The following DPYSL2 variants were observed in gnomAD, a reference collection of about 807,000 sequenced individuals.
DPYSL2 encodes dihydropyrimidinase-related protein 2.
DPYSL2 carries 13 observed loss-of-function variants against 69.9 expected under a neutral mutation model. The ratio of observed to expected loss-of-function variants is 0.19; its 90% confidence interval spans 0.12 to 0.30. The LOEUF is 0.30. Among genes scored for constraint, DPYSL2 ranks in the 10% least tolerant of loss-of-function variants. DPYSL2 has a pLI of 1.00. For missense variants in DPYSL2, 587 were observed against 918.9 expected, an observed-to-expected ratio of 0.64 and a Z score of 4.67; for synonymous variants, 326 against 359.1, an observed-to-expected ratio of 0.91 and a Z score of 1.04.
chr8:26,578,690 C>T (rs1218038519), intron 1 of DPYSL2, among the ~76,000 whole-genome samples: 1 of 152,224 alleles, frequency 6.6e-6, no homozygotes, highest in Admixed American at 6.5e-5. Flanking sequence ...ACTCCTCCAG[C>T]AGCGATGGGG....
chr8:26,616,024 C>T (rs930096272), intron 3 of DPYSL2, among the ~76,000 whole-genome samples: 2 of 152,154 alleles, frequency 1.3e-5, no homozygotes, highest in African/African-American at 2.4e-5. Flanking sequence ...CAAGCATTTC[C>T]CATATTCCCT....
At chr8:26,570,535 G>A (rs1429618962) in intron 1 of DPYSL2, among the ~76,000 whole-genome samples, 3 of 151,940 alleles carry the variant, frequency 2.0e-5, no homozygotes, top group Non-Finnish European at 4.4e-5. Flanking sequence ...TCAGGAGTTC[G>A]AGACCAGCCT....
At position 26,517,072 on chromosome 8, in the gene DPYSL2, G is replaced by C. The variant is rs986495436; in HGVS notation, c.354+2393G>C. On this transcript the variant is annotated intron_variant, in intron 1 of 13. Coordinates refer to ENST00000521913, the MANE Select transcript of DPYSL2 (RefSeq NM_001197293.3). The surrounding 1 kb of genome is among the most constrained non-coding windows in gnomAD (Gnocchi z 4.2). ...GAAGCCCTGACGCAGAGAAAGGTGG[G>C]GGAGATTGAGAATGGGTGGATCCTG... Among the ~76,000 whole-genome samples the C allele has an allele frequency of 2.0e-4, 31 of 152,122 alleles. No homozygotes were observed. Among genetic ancestry groups the C allele is most frequent in the African/African-American group, 7.5e-4 (31 of 41,412 alleles).
chr8:26,635,090 G>A (rs745893351), intron 8 of DPYSL2, among the ~76,000 whole-genome samples, 190 bp downstream of exon 8: 2 of 152,238 alleles, frequency 1.3e-5, no homozygotes, highest in Non-Finnish European at 2.9e-5. Flanking sequence ...CACTGCTGCG[G>A]CCTTGTTAGT....
intron 3 of DPYSL2, among the ~76,000 whole-genome samples, chr8:26,622,989 C>T (rs769362009): frequency 1.3e-5 from 2 of 152,132 alleles, no homozygotes; most frequent in Non-Finnish European, 2.9e-5. Context: ...TCTATTGTTG[C>T]ACAAGTTTGA....
chr8:26,616,278 C>T (rs971765210), intron 3 of DPYSL2, among the ~76,000 whole-genome samples: 2 of 152,078 alleles, frequency 1.3e-5, no homozygotes, highest in South Asian at 2.1e-4. Context: ...AGCAAAACCA[C>T]GTTATCCTAA....
At chr8:26,523,414 A>G (rs1479900381) in intron 1 of DPYSL2, among the ~76,000 whole-genome samples, 1 of 152,182 alleles carries the variant, frequency 6.6e-6, no homozygotes, top group Non-Finnish European at 1.5e-5. Flanking sequence ...ACCAATCATC[A>G]GAATTATTTT....
chr8:26,563,757 G>A (rs1801108639), intron 1 of DPYSL2, among the ~76,000 whole-genome samples: 1 of 152,180 alleles, frequency 6.6e-6, no homozygotes, highest in Non-Finnish European at 1.5e-5. Flanking sequence ...CCTTGTAGAA[G>A]GTAACTTCCA....
intron 1 of DPYSL2, among the ~76,000 whole-genome samples, chr8:26,530,571 T>C (rs1800490273): frequency 6.6e-6 from 1 of 152,004 alleles, no homozygotes; most frequent in Non-Finnish European, 1.5e-5. Flanking sequence ...TGGACTGTTT[T>C]TAGGACCCTT....
In DPYSL2 at chr8:26,514,620, C is replaced by A; in HGVS notation, c.295C>A (p.Arg99=). 2 of 1,446,816 alleles carry A rather than the reference C, an allele frequency of 1.4e-6. No individual in the cohort carries two copies. Among genetic ancestry groups the A allele is most frequent in the Non-Finnish European group, 1.8e-6 (2 of 1,100,590 alleles). The allele number at this position is 1,446,816 out of a possible 1,614,324, so 89.6% of individuals were successfully genotyped here. The part of the protein sequence containing the change: ...AGGEPSVESG[R]KVEIRRASGK... ...CGGAGAGCCATCTGTTGAATCGGGC[C>A]GGAAGGTGGAGATCCGGAGGGCCTC... Residue 99 remains arginine (R), a synonymous_variant, in exon 1 of 14, where the codon CGG becomes AGG. Coordinates refer to ENST00000521913, the MANE Select transcript of DPYSL2 (RefSeq NM_001197293.3). This position sits in a 1 kb window ranked among gnomAD's most constrained non-coding sequence, Gnocchi z 8.4.
chr8:26,570,625 T>C (rs528288334), intron 1 of DPYSL2, among the ~76,000 whole-genome samples: 159 of 151,612 alleles, frequency 1.0e-3, no homozygotes, highest in African/African-American at 3.6e-3. Flanking sequence ...TCCCAGCTAC[T>C]TGAGAGGCTG....
chr8:26,580,566 A>C lies in DPYSL2; in HGVS notation c.355-1403A>C, dbSNP rs921820707. Among the ~76,000 whole-genome samples the C allele has an allele frequency of 2.6e-5, 4 of 152,212 alleles. No individual in the cohort carries two copies. The highest frequency in any genetic ancestry group is 9.6e-5 in the African/African-American group (4 of 41,458). On this transcript the variant is annotated intron_variant, in intron 1 of 13. Coordinates refer to ENST00000521913, the MANE Select transcript of DPYSL2 (RefSeq NM_001197293.3). The surrounding 1 kb of genome is among the most constrained non-coding windows in gnomAD (Gnocchi z 4.1). Reference sequence around the variant, plus strand: ...TTGGTTTTCAGTATGTTAGAGAGACAATAAATACTTTCTGAACCAAGGTGT... The same window carrying C: ...TTGGTTTTCAGTATGTTAGAGAGACCATAAATACTTTCTGAACCAAGGTGT...
At chr8:26,618,778 CAAAAA>C (rs71216765) in intron 3 of DPYSL2, among the ~76,000 whole-genome samples, 145 of 85,154 alleles carry the variant, frequency 1.7e-3, no homozygotes, top group African/African-American at 6.6e-3. Context: ...CCATCTCTAC[CAAAAA>C]AAAAAAAAAA....
In DPYSL2 at chr8:26,587,660, A is replaced by G. The variant is rs1434827211; in HGVS notation, c.628+3677A>G. 6.6e-6 allele frequency among the ~76,000 whole-genome samples: 1 copy of G among 152,256 alleles called. No homozygotes were observed. The highest frequency in any genetic ancestry group is 1.5e-5 in the Non-Finnish European group (1 of 68,046). On this transcript the variant is annotated intron_variant, in intron 3 of 13. Coordinates refer to ENST00000521913, the MANE Select transcript of DPYSL2 (RefSeq NM_001197293.3). The surrounding 1 kb of genome is among the most constrained non-coding windows in gnomAD (Gnocchi z 4.2). ...AATGAGATCTTTATGAGGCGGACTC[A>G]GTGTGGAGCAGGGGGAACGCCCTTT...
intron 1 of DPYSL2, among the ~76,000 whole-genome samples, chr8:26,574,370 C>G (rs544071020): frequency 6.6e-6 from 1 of 152,296 alleles, no homozygotes; most frequent in African/African-American, 2.4e-5. Flanking sequence ...AGACAGGGAT[C>G]AGACTCTGAT....
chr8:26,634,209 C>T (rs1487603674), intron 7 of DPYSL2, among the ~76,000 whole-genome samples: 1 of 152,200 alleles, frequency 6.6e-6, no homozygotes, highest in East Asian at 1.9e-4. Context: ...GACTCTGGGC[C>T]AGTGCTGATG....
rs1411953791 is a variant in DPYSL2, at chr8:26,647,103, A to T, written c.1426-527A>T. Among the ~76,000 whole-genome samples the T allele has an allele frequency of 1.3e-5, 2 of 151,754 alleles. No individual in the cohort carries two copies. The highest frequency in any genetic ancestry group is 2.9e-5 in the Non-Finnish European group (2 of 67,920). ...ATTGCCACCCCTGCAAATTAAACGAATTTTTTTTTGTTTTGAAATAATTAT... is the reference window on the plus strand; with the variant it reads ...ATTGCCACCCCTGCAAATTAAACGATTTTTTTTTTGTTTTGAAATAATTAT... On this transcript the variant is annotated intron_variant, in intron 10 of 13. Coordinates refer to ENST00000521913, the MANE Select transcript of DPYSL2 (RefSeq NM_001197293.3). This position sits in a 1 kb window ranked among gnomAD's most constrained non-coding sequence, Gnocchi z 5.1.
intron 1 of DPYSL2, chr8:26,577,135 T>C (rs922744713): frequency 4.5e-6 from 2 of 445,054 alleles, no homozygotes; most frequent in African/African-American, 4.1e-5. Flanking sequence ...CGGCTCGGAG[T>C]TGGAAGGGTT....
intron 3 of DPYSL2, 130 bp from the exon 4 acceptor site, chr8:26,623,998 ATGGATTCTTAGAAGC>A: frequency 2.4e-6 from 2 of 822,666 alleles, no homozygotes; most frequent in Non-Finnish European, 3.8e-6. Context: ...GCTGGGTTAC[ATGGATTCTTAGAAGC>A]TGGTTGTAGA....
Sources: gnomAD v4.1 joint callset for allele counts (sites outside exome capture counted in the v4.1 genomes callset) on GRCh38, gnomAD v4.1.1 for gene constraint, Gnocchi (gnomAD v3.1) non-coding constraint, MANE v1.5 for transcripts, NCBI Gene and HGNC (gene_info 2026-07-23, HGNC 2026-07-21) for gene names.